Variants in BRIP1 observed in about 807,000 individuals in gnomAD.
The protein encoded by BRIP1 is Fanconi anemia group J protein.
Under a neutral mutation model 119.7 loss-of-function variants are expected in BRIP1, and 88 were observed. That is an observed-to-expected ratio of 0.74 (90% CI 0.62 to 0.88). The LOEUF (loss-of-function observed/expected upper bound fraction) is 0.88. BRIP1 is among the 40% of genes least tolerant of loss of function. The pLI is 0.00. For synonymous variants in BRIP1, 443 were observed against 496.5 expected (o/e 0.89, Z 1.43); for missense variants, 1,259 against 1,455.4 (o/e 0.87, Z 2.20).
chr17:61,848,913 T>C lies in BRIP1; in HGVS notation c.507+216A>G, dbSNP rs779057758. Reference sequence around the variant, plus strand: ...AATTCCTCATATATAAGAAACACCATGCAGTTTCACTTGAACGACATGTTA... The same window carrying C: ...AATTCCTCATATATAAGAAACACCACGCAGTTTCACTTGAACGACATGTTA... On this transcript the variant is annotated intron_variant, in intron 5 of 19. Coordinates refer to ENST00000259008, the MANE Select transcript of BRIP1 (RefSeq NM_032043.3). This position sits in a 1 kb window ranked among gnomAD's most constrained non-coding sequence, Gnocchi z 4.3. Among the ~76,000 whole-genome samples the C allele has an allele frequency of 2.0e-5, 3 of 152,204 alleles. No homozygotes were observed. Among genetic ancestry groups the C allele is most frequent in the Non-Finnish European group, 4.4e-5 (3 of 68,030 alleles).
At chr17:61,697,775 C>T (rs75586080) in intron 17 of BRIP1, among the ~76,000 whole-genome samples, 5,952 of 151,246 alleles carry the variant, frequency 0.039, 426 homozygotes, top group African/African-American at 0.14. Flanking sequence ...TTATTGATTC[C>T]AGATGTTTAT....
rs1459767261 is a variant in BRIP1 at position 61,798,578 on chromosome 17, G to A, written c.1340+522C>T. On this transcript the variant is annotated intron_variant, in intron 9 of 19. Coordinates refer to ENST00000259008, the MANE Select transcript of BRIP1 (RefSeq NM_032043.3). The surrounding 1 kb of genome is among the most constrained non-coding windows in gnomAD (Gnocchi z 5.5). ...ATAAATGAAATGGGATTCAGAGTTG[G>A]GAAGTTTTTTTCTATGGTAACAAGA... 1.3e-5 allele frequency among the ~76,000 whole-genome samples: 2 copies of A among 151,788 alleles called. No individual in the cohort carries two copies. Among genetic ancestry groups the A allele is most frequent in the African/African-American group, 2.4e-5 (1 of 41,366 alleles).
chr17:61,788,041 AAG>A (rs1377056199), intron 10 of BRIP1, among the ~76,000 whole-genome samples: 2 of 152,172 alleles, frequency 1.3e-5, no homozygotes, highest in African/African-American at 4.8e-5. Flanking sequence ...AGAAATGAGA[AAG>A]AAAGAAACCG....
At position 61,756,639 on chromosome 17, in the gene BRIP1, C is replaced by T. The variant is rs1029218386; in HGVS notation, c.2098-12048G>A. Among the ~76,000 whole-genome samples the T allele has an allele frequency of 3.3e-5, 5 of 152,110 alleles. No homozygotes were observed. Among genetic ancestry groups the T allele is most frequent in the African/African-American group, 9.7e-5 (4 of 41,418 alleles). On this transcript the variant is annotated intron_variant, in intron 14 of 19. Coordinates refer to ENST00000259008, the MANE Select transcript of BRIP1 (RefSeq NM_032043.3). This position sits in a 1 kb window ranked among gnomAD's most constrained non-coding sequence, Gnocchi z 4.3. Reference sequence around the variant, plus strand: ...TCAAACTTCTTTAAAACTAGTATTTCGCTAGGGAGGGAATAAGTTAGAATG... The same window carrying T: ...TCAAACTTCTTTAAAACTAGTATTTTGCTAGGGAGGGAATAAGTTAGAATG...
intron 16 of BRIP1, among the ~76,000 whole-genome samples, chr17:61,716,668 T>C (rs1306443367): frequency 2.0e-5 from 3 of 152,010 alleles, no homozygotes. Flanking sequence ...ACATTTAATG[T>C]AGTTATTGTT....
rs1555572950 is a variant in BRIP1 at position 61,684,091 on chromosome 17, A to C, written c.2955T>G (p.Ile985Met). The part of the protein sequence containing the change: ...EEAGKAEKIV[I>M]SRSTSPTFNK... ...TGAAAGTTGGGCTTGTGGATCTGGAAATCACAATTTTTTCTGCTTTCCCTG... is the reference window on the plus strand; with the variant it reads ...TGAAAGTTGGGCTTGTGGATCTGGACATCACAATTTTTTCTGCTTTCCCTG... Residue 985 changes from isoleucine to methionine, a missense_variant, in exon 20 of 20, where the codon ATT (isoleucine) becomes ATG (methionine). Coordinates refer to ENST00000259008, the MANE Select transcript of BRIP1 (RefSeq NM_032043.3). The surrounding 1 kb of genome is among the most constrained non-coding windows in gnomAD (Gnocchi z 4.5). The C allele has an allele frequency of 6.2e-7, 1 of 1,613,628 alleles. No homozygotes were observed. Among genetic ancestry groups the C allele is most frequent in the Non-Finnish European group, 8.5e-7 (1 of 1,179,854 alleles).
chr17:61,777,947 C>A (rs1313659435), intron 13 of BRIP1, among the ~76,000 whole-genome samples: 1 of 152,158 alleles, frequency 6.6e-6, no homozygotes, highest in Non-Finnish European at 1.5e-5. Context: ...CGGAGGCCAG[C>A]CCTGATCCTG....
chr17:61,779,924 G>C lies in BRIP1; in HGVS notation c.1935+337C>G, dbSNP rs539883053. Among the ~76,000 whole-genome samples the C allele has an allele frequency of 2.7e-4, 41 of 152,200 alleles. 1 individual carries two copies. The highest frequency in any genetic ancestry group is 5.4e-4 in the Non-Finnish European group (37 of 67,988). On this transcript the variant is annotated intron_variant, in intron 13 of 19. Coordinates refer to ENST00000259008, the MANE Select transcript of BRIP1 (RefSeq NM_032043.3). ...CCACTGCACTCCAGCCTGGGCAACAGAGCCAGACTCTGTCTCAAAAATCAA... is the reference window on the plus strand; with the variant it reads ...CCACTGCACTCCAGCCTGGGCAACACAGCCAGACTCTGTCTCAAAAATCAA...
rs2061258270 is a variant in BRIP1 at position 61,680,597 on chromosome 17, A to G, written c.*2699T>C. On this transcript the variant is annotated 3_prime_UTR_variant, in exon 20 of 20. Coordinates refer to ENST00000259008, the MANE Select transcript of BRIP1 (RefSeq NM_032043.3). ...CGGGTTCACGCCATTCTCCTGCCTC[A>G]GCCTCCTGAGTAGCTGGGACTACAG... Among the ~76,000 whole-genome samples, 1 of 146,652 alleles carries G rather than the reference A, an allele frequency of 6.8e-6. No homozygotes were observed. Among genetic ancestry groups the G allele is most frequent in the South Asian group, 2.1e-4 (1 of 4,664 alleles).
At chr17:61,715,494 C>T (rs953142245) in intron 17 of BRIP1, among the ~76,000 whole-genome samples, 2 of 152,090 alleles carry the variant, frequency 1.3e-5, no homozygotes. Flanking sequence ...AACAGATACA[C>T]AGATTCCGTA....
Position 61,682,909 on chromosome 17 carries a change from A to G in BRIP1, c.*387T>C, listed in dbSNP as rs1264854877. 1 of 224,268 alleles carries G rather than the reference A, an allele frequency of 4.5e-6. No homozygotes were observed. The highest frequency in any genetic ancestry group is 8.9e-6 in the Non-Finnish European group (1 of 112,250). 13.9% of individuals were successfully genotyped at this position (224,268 alleles called of 1,614,324 possible). On this transcript the variant is annotated 3_prime_UTR_variant, in exon 20 of 20. Coordinates refer to ENST00000259008, the MANE Select transcript of BRIP1 (RefSeq NM_032043.3). This position sits in a 1 kb window ranked among gnomAD's most constrained non-coding sequence, Gnocchi z 4.9. The stretch of plus-strand genomic sequence containing the variant: ...GCAACTTAGGGAGGCAGAGAAGGGC[A>G]GATCACGAGGCCAGGAGTTCGAGAC...
chr17:61,835,716 G>GA (rs916650443), intron 6 of BRIP1, among the ~76,000 whole-genome samples: 5 of 150,822 alleles, frequency 3.3e-5, no homozygotes, highest in Non-Finnish European at 4.4e-5. Context: ...AAATTAAAGA[G>GA]AAAAAAAAGT....
In BRIP1 at chr17:61,779,552, G is replaced by A. The variant is rs141584801; in HGVS notation, c.1935+709C>T. ...GGAGAACCGCTGGAACCCAGGAGGC[G>A]AAGGCTGCAGTGAGCCAAGATCGCA... On this transcript the variant is annotated intron_variant, in intron 13 of 19. Transcript: ENST00000259008. Among the ~76,000 whole-genome samples the A allele has an allele frequency of 9.9e-4, 151 of 152,322 alleles. 5 individuals carry two copies. The East Asian group carries it at 0.021, about 21-fold the overall frequency.
chr17:61,835,005 A>C (rs1201664490), intron 6 of BRIP1, among the ~76,000 whole-genome samples: 1 of 152,248 alleles, frequency 6.6e-6, no homozygotes, highest in Non-Finnish European at 1.5e-5. Flanking sequence ...ACATGTGCGC[A>C]CTTAAGAATA....
At chr17:61,811,129 TG>T (rs2078154597) in intron 6 of BRIP1, among the ~76,000 whole-genome samples, 1 of 152,232 alleles carries the variant, frequency 6.6e-6, no homozygotes, top group Admixed American at 6.5e-5. Flanking sequence ...TGTTTTTGTT[TG>T]TTTTTTTAAG....
At chr17:61,692,024 C>CAAAGCTCATGTTGAAATGTGTTCCCACCT (rs1474918455) in intron 18 of BRIP1, among the ~76,000 whole-genome samples, 166 of 152,282 alleles carry the variant, frequency 1.1e-3, no homozygotes, top group Non-Finnish European at 2.1e-3. Flanking sequence ...TTGTTTCCTC[C>CAAAGCTCATGTTGAAATGTGTTCCCACCT]AAAGCTCATG....
rs777359084 is a variant in BRIP1, at chr17:61,857,412, G to C, written c.206-181C>G. Among the ~76,000 whole-genome samples, 2 of 152,098 alleles carry C rather than the reference G, an allele frequency of 1.3e-5. No individual in the cohort carries two copies. The highest frequency in any genetic ancestry group is 1.3e-4 in the Admixed American group (2 of 15,272). The stretch of plus-strand genomic sequence containing the variant: ...TCACTTTATCTGCAGCATCAAATTA[G>C]GACAGGAGAGAAATAAGCCAAAAAC... On this transcript the variant is annotated intron_variant, in intron 3 of 19. Transcript: ENST00000259008. This position sits in a 1 kb window ranked among gnomAD's most constrained non-coding sequence, Gnocchi z 5.1.
In BRIP1 at chr17:61,711,476, G is replaced by A. The variant is rs138708470; in HGVS notation, c.2492+4475C>T. Among the ~76,000 whole-genome samples, 960 of 152,228 alleles carry A rather than the reference G, an allele frequency of 6.3e-3. 8 individuals are homozygous for A. Among genetic ancestry groups the A allele is most frequent in the African/African-American group, 0.022 (916 of 41,524 alleles). On this transcript the variant is annotated intron_variant, in intron 17 of 19. Transcript: ENST00000259008. ...GTGCAACTTGATTCCAAGTAAAATG[G>A]GATTTCTAGGGAAAAAAGGGGAGCA...
intron 16 of BRIP1, among the ~76,000 whole-genome samples, chr17:61,719,659 A>G (rs1398648346): frequency 6.6e-6 from 1 of 151,192 alleles, no homozygotes; most frequent in African/African-American, 2.4e-5. Context: ...CAGGAGGCGG[A>G]GGTTGCAGTG....
Sources: allele counts gnomAD v4.1 joint callset (sites outside exome capture counted in the v4.1 genomes callset), GRCh38; gene constraint gnomAD v4.1.1; non-coding constraint Gnocchi (gnomAD v3.1); transcripts MANE v1.5; gene names NCBI Gene and HGNC (gene_info 2026-07-23, HGNC 2026-07-21).